The following ST7L variants were observed in gnomAD, a reference collection of about 807,000 sequenced individuals.
The protein encoded by ST7L is suppressor of tumorigenicity 7 protein-like.
A neutral mutation model predicts 72.5 loss-of-function variants in ST7L; 57 were observed. The observed-to-expected ratio is 0.79, with a 90% CI of 0.64 to 0.98. The LOEUF is 0.98. Ranked by LOEUF, ST7L falls within the 50% of genes least tolerant of loss-of-function variation. The pLI, the probability that ST7L is intolerant of heterozygous loss-of-function variation, is 0.00. For missense variants in ST7L, 576 were observed against 672.2 expected (o/e 0.86, Z 1.58); for synonymous variants, 221 against 240.9 (o/e 0.92, Z 0.77).
chr1:112,595,433 TG>T (rs1254940757), intron 5 of ST7L, among the ~76,000 whole-genome samples: 1 of 150,868 alleles, frequency 6.6e-6, no homozygotes, highest in African/African-American at 2.5e-5. Flanking sequence ...CTTGCTTGGT[TG>T]TTTTTTTAGA....
chr1:112,581,634 G>A lies in ST7L; in HGVS notation c.1069+358C>T, dbSNP rs560356375. Among the ~76,000 whole-genome samples, 25 of 151,942 alleles carry A rather than the reference G, an allele frequency of 1.6e-4. No individual in the cohort carries two copies. In the East Asian group the frequency reaches 4.1e-3, roughly 25 times the overall value. ...TGCCCATGCTGGTCTCCAACTCCTG[G>A]GCTCAAGTGATCCTCCCACCTCAGT... is the stretch of plus-strand genomic sequence containing the variant. On this transcript the variant is annotated intron_variant, in intron 9 of 14. Transcript: ENST00000358039.
chr1:112,519,494 T>TCC (rs550993876), downstream of ST7L, among the ~76,000 whole-genome samples: 626 of 152,282 alleles, frequency 4.1e-3, no homozygotes, highest in Non-Finnish European at 6.4e-3. Flanking sequence ...CAAAAGTCTA[T>TCC]TGATTTTATG....
chr1:112,537,620 A>C (rs1655425723), intron 14 of ST7L, among the ~76,000 whole-genome samples: 1 of 152,200 alleles, frequency 6.6e-6, no homozygotes, highest in African/African-American at 2.4e-5. Context: ...TCTCATATTT[A>C]ATCCAGCAGG....
At chr1:112,572,837 C>T (rs1234979853) in intron 11 of ST7L, among the ~76,000 whole-genome samples, 6 of 151,944 alleles carry the variant, frequency 3.9e-5, no homozygotes, top group Admixed American at 3.9e-4. Flanking sequence ...ACGAAAATTA[C>T]AGAGTTAAGT....
At chr1:112,565,103 G>A (rs1256620186) in intron 11 of ST7L, among the ~76,000 whole-genome samples, 1 of 151,026 alleles carries the variant, frequency 6.6e-6, no homozygotes, top group East Asian at 2.0e-4. Flanking sequence ...GGAGTGCAAT[G>A]GCGCGATCTC....
At chr1:112,541,752 A>AACT in intron 14 of ST7L, 199 bp downstream of exon 14, 1 of 1,279,164 alleles carries the variant, frequency 7.8e-7, no homozygotes. Context: ...GTATTCTTTA[A>AACT]ACTTTTAAGC....
rs1281751407 is a variant in ST7L, at chr1:112,523,798, C to G, written c.*2215G>C. On this transcript the variant is annotated 3_prime_UTR_variant, in exon 15 of 15. Coordinates refer to ENST00000358039, the MANE Select transcript of ST7L (RefSeq NM_017744.5). ...CTATATATTTTAAGGATCTAAGAAT[C>G]CTTTAGAGAAGGCACATGACTGAAG... 6.6e-6 allele frequency: 1 copy of G among 151,978 alleles called. No homozygotes were observed. The highest frequency in any genetic ancestry group is 1.5e-5 in the Non-Finnish European group (1 of 68,000). 9.4% of individuals were successfully genotyped at this position (151,978 alleles called of 1,614,324 possible). A position where few individuals can be genotyped will look rare whatever the true frequency, so the allele number is the denominator to read the frequency against.
chr1:112,595,645 C>T (rs1317237094), intron 5 of ST7L, among the ~76,000 whole-genome samples: 1 of 152,048 alleles, frequency 6.6e-6, no homozygotes, highest in Non-Finnish European at 1.5e-5. Flanking sequence ...TGACAAACTC[C>T]TAGACTCATG....
chr1:112,617,038 G>GTA, intron 1 of ST7L, 143 bp from the exon 2 acceptor site: 1 of 540,278 alleles, frequency 1.9e-6, no homozygotes, highest in Non-Finnish European at 3.3e-6. Context: ...GTTTTAATTT[G>GTA]TATATATATT....
In ST7L at chr1:112,604,950, G is replaced by T. The variant is rs1416633579; in HGVS notation, c.452-4102C>A. 1.4e-4 allele frequency among the ~76,000 whole-genome samples: 21 copies of T among 147,048 alleles called. No homozygotes were observed. The Admixed American group carries it at 1.4e-3, about 10-fold the overall frequency. On this transcript the variant is annotated intron_variant, in intron 3 of 14. Coordinates refer to ENST00000358039, the MANE Select transcript of ST7L (RefSeq NM_017744.5). ...AAATACAAAAAAAATAGCTGGGCGT[G>T]GTGGTGCATGCCTGTAATCCCAGCT...
chr1:112,604,928 T>C (rs1347102455), intron 3 of ST7L, among the ~76,000 whole-genome samples: 1 of 132,924 alleles, frequency 7.5e-6, no homozygotes, highest in African/African-American at 2.9e-5. Context: ...TCTACTAAAA[T>C]ACAAAAAAAA....
rs776394572 is a variant in ST7L, at chr1:112,619,096, G to A, written c.18C>T (p.Gly6=). ...CTCCAACAGCTGCGGCTTCACCCACGCCGCCACGGTCCGCCATCTTGCCGC... is the reference window on the plus strand; with the variant it reads ...CTCCAACAGCTGCGGCTTCACCCACACCGCCACGGTCCGCCATCTTGCCGC... MADRG[G]VGEAAAVGAS... The change falls in exon 1 of 15, where the codon GGC becomes GGT. Residue 6 remains glycine, a synonymous_variant. Transcript: ENST00000358039. The A allele has an allele frequency of 1.9e-6, 3 of 1,613,400 alleles. No individual in the cohort carries two copies. The highest frequency in any genetic ancestry group is 4.5e-5 in the East Asian group (2 of 44,878).
rs1367373290 is a variant in ST7L, at chr1:112,525,048, T to TA, written c.*964dup. ...TGAGGAGAGATCAGTGGTGAAGAATTACCATCAAAGCAGAGTGGCTGAGAC... is the reference window on the plus strand; with the variant it reads ...TGAGGAGAGATCAGTGGTGAAGAATTAACCATCAAAGCAGAGTGGCTGAGAC... On this transcript the variant is annotated 3_prime_UTR_variant, in exon 15 of 15. Coordinates refer to ENST00000358039, the MANE Select transcript of ST7L (RefSeq NM_017744.5). 6.6e-6 allele frequency: 1 copy of TA among 152,126 alleles called. No homozygotes were observed. The highest frequency in any genetic ancestry group is 1.5e-5 in the Non-Finnish European group (1 of 68,034). 9.4% of individuals were successfully genotyped at this position (152,126 alleles called of 1,614,324 possible).
In ST7L at chr1:112,555,924, T is replaced by G. The variant is rs895811724; in HGVS notation, c.1340A>C (p.Gln447Pro). The G allele has an allele frequency of 1.2e-6, 2 of 1,612,644 alleles. No homozygotes were observed. The highest frequency in any genetic ancestry group is 1.7e-6 in the Non-Finnish European group (2 of 1,179,124). The change falls in exon 12 of 15, where the codon CAG becomes CCG. Residue 447 changes from glutamine to proline, a missense_variant. Coordinates refer to ENST00000358039, the MANE Select transcript of ST7L (RefSeq NM_017744.5). ...AGCACCTTCTATTCGTTTCCAGTGC[T>G]GAAGATGAAAGAAAGCATAGGCAAT... The part of the protein sequence containing the change: ...EAIAYAFFHL[Q>P]HWKRIEGALN...
chr1:112,602,345 A>G (rs1667548552), intron 3 of ST7L, among the ~76,000 whole-genome samples: 1 of 152,204 alleles, frequency 6.6e-6, no homozygotes, highest in Admixed American at 6.5e-5. Context: ...ACTCAGTTGC[A>G]TGACCCTGAG....
downstream of ST7L, among the ~76,000 whole-genome samples, chr1:112,519,872 C>CTTCT (rs10634267): frequency 8.9e-4 from 103 of 115,642 alleles, no homozygotes; most frequent in Middle Eastern, 4.5e-3. Flanking sequence ...GCCCATGCTT[C>CTTCT]TTTTTTTTTT....
chr1:112,586,174 T>C (rs959929956), intron 6 of ST7L, among the ~76,000 whole-genome samples: 1 of 152,166 alleles, frequency 6.6e-6, no homozygotes, highest in Non-Finnish European at 1.5e-5. Context: ...ATGGCTATAA[T>C]CCCAGCAGTT....
chr1:112,539,829 T>C (rs1467627362), intron 14 of ST7L: 1 of 985,174 alleles, frequency 1.0e-6, no homozygotes, highest in East Asian at 1.1e-4. Context: ...AATGTACATG[T>C]AAAGGCCACA....
At chr1:112,538,933 T>A (rs1655644387) in intron 14 of ST7L, among the ~76,000 whole-genome samples, 1 of 152,214 alleles carries the variant, frequency 6.6e-6, no homozygotes, top group African/African-American at 2.4e-5. Context: ...ATTTTACAAC[T>A]AAGGGTAGAA....
Sources: allele counts gnomAD v4.1 joint callset (sites outside exome capture counted in the v4.1 genomes callset), GRCh38; gene constraint gnomAD v4.1.1; transcripts MANE v1.5; gene names NCBI Gene and HGNC (gene_info 2026-07-23, HGNC 2026-07-21).